SLC8A1: variants seen among roughly 807,000 people sequenced by gnomAD.
SLC8A1 encodes the protein sodium/calcium exchanger 1.
In SLC8A1, 18 loss-of-function variants were observed where a neutral mutation model predicts 68.3. That is an observed-to-expected ratio of 0.26 (90% CI 0.18 to 0.39). SLC8A1 has a LOEUF of 0.39. Among genes scored for constraint, SLC8A1 ranks in the 10% least tolerant of loss-of-function variants. SLC8A1 has a pLI of 1.00. For missense variants in SLC8A1, 985 were observed against 1,156.7 expected, an observed-to-expected ratio of 0.85 and a Z score of 2.15; for synonymous variants, 475 against 415.5, an observed-to-expected ratio of 1.14 and a Z score of -1.74.
intron 1 of SLC8A1, among the ~76,000 whole-genome samples, chr2:40,451,108 C>A (rs1702394273): frequency 6.6e-6 from 1 of 152,198 alleles, no homozygotes. Context: ...AGACCGCCCT[C>A]TTCTTCATTA....
intron 2 of SLC8A1, among the ~76,000 whole-genome samples, chr2:40,349,969 A>G (rs1310198763): frequency 2.6e-5 from 4 of 152,162 alleles, no homozygotes; most frequent in African/African-American, 7.2e-5. Context: ...AATGGAAAGT[A>G]TTCATTTCCA....
intron 2 of SLC8A1, among the ~76,000 whole-genome samples, chr2:40,273,923 G>A (rs1243854427): frequency 6.7e-6 from 1 of 149,768 alleles, no homozygotes; most frequent in Non-Finnish European, 1.5e-5. Context: ...CTCTTGACCA[G>A]GGAGAGGTGC....
chr2:40,104,381 C>G (rs1352046835), exon 8 of SLC8A1: 2 of 152,068 alleles, frequency 1.3e-5, no homozygotes, highest in Non-Finnish European at 2.9e-5. Flanking sequence ...AATAAAAGAC[C>G]CTATATCAAA....
At chr2:40,484,742 G>C (rs982932662) in intron 1 of SLC8A1, among the ~76,000 whole-genome samples, 4 of 152,184 alleles carry the variant, frequency 2.6e-5, no homozygotes, top group African/African-American at 9.7e-5. Flanking sequence ...GCAACTGCAG[G>C]CACATTCCAA....
exon 8 of SLC8A1, chr2:40,101,385 T>A (rs558511414): frequency 1.3e-5 from 2 of 152,274 alleles, no homozygotes; most frequent in South Asian, 4.1e-4. Flanking sequence ...TTAGTACTGT[T>A]ACACAGTGGT....
At chr2:40,336,758 TTTC>T (rs1282420764) in intron 2 of SLC8A1, among the ~76,000 whole-genome samples, 1 of 152,174 alleles carries the variant, frequency 6.6e-6, no homozygotes, top group Non-Finnish European at 1.5e-5. Context: ...TTATTCATGT[TTTC>T]TTTTTTCATG....
chr2:40,392,846 G>C (rs762179533), intron 2 of SLC8A1, among the ~76,000 whole-genome samples: 1 of 152,036 alleles, frequency 6.6e-6, no homozygotes, highest in Non-Finnish European at 1.5e-5. Flanking sequence ...ACGTTAAAGT[G>C]GGACAGATTA....
intron 1 of SLC8A1, among the ~76,000 whole-genome samples, chr2:40,462,917 T>C (rs1703429219): frequency 1.3e-5 from 2 of 152,258 alleles, no homozygotes; most frequent in South Asian, 4.1e-4. Context: ...TTATGATAGA[T>C]AAAAATTATT....
In SLC8A1 at chr2:40,170,264, C is replaced by A. The variant is rs1435172675; in HGVS notation, c.1930+4561G>T. ...CTGGGAGGCTGTGGTTTTCAAGGAT[C>A]ATGATGAAATGAGTACCTGCAATGG... On this transcript the variant is annotated intron_variant, in intron 4 of 7. Coordinates refer to ENST00000406785, the Ensembl canonical transcript of SLC8A1. 3.7e-6 allele frequency: 6 copies of A among 1,610,804 alleles called. No homozygotes were observed. In the East Asian group the frequency reaches 1.3e-4, roughly 36 times the overall value.
intron 2 of SLC8A1, among the ~76,000 whole-genome samples, chr2:40,271,738 G>A (rs1241728844): frequency 1.3e-5 from 2 of 152,280 alleles, no homozygotes; most frequent in South Asian, 2.1e-4. Context: ...TTAAGTGAAA[G>A]ACACCGTGAT....
chr2:40,452,271 C>A (rs1350209515), upstream of SLC8A1, among the ~76,000 whole-genome samples: 1 of 151,248 alleles, frequency 6.6e-6, no homozygotes, highest in Non-Finnish European at 1.5e-5. Context: ...CCCCGGGGCC[C>A]CCTGCGCGCC....
intron 1 of SLC8A1, among the ~76,000 whole-genome samples, chr2:40,459,752 T>C (rs1205053605): frequency 6.6e-6 from 1 of 152,300 alleles, no homozygotes; most frequent in East Asian, 1.9e-4. Context: ...GGGGAGGCCA[T>C]GGGAATCATG....
At chr2:40,274,747 C>A (rs1203304562) in intron 2 of SLC8A1, among the ~76,000 whole-genome samples, 1 of 152,114 alleles carries the variant, frequency 6.6e-6, no homozygotes, top group Non-Finnish European at 1.5e-5. Context: ...TTATATATCT[C>A]CCCTAGAGAA....
At chr2:40,385,295 C>A (rs776832685) in intron 2 of SLC8A1, among the ~76,000 whole-genome samples, 1 of 146,392 alleles carries the variant, frequency 6.8e-6, no homozygotes, top group Admixed American at 6.7e-5. Flanking sequence ...TTGAGACATA[C>A]TACTGTAACT....
At chr2:40,477,359 C>A (rs759594037) in intron 1 of SLC8A1, among the ~76,000 whole-genome samples, 31 of 152,154 alleles carry the variant, frequency 2.0e-4, no homozygotes, top group Non-Finnish European at 4.0e-4. Context: ...GTGAGTAAAT[C>A]AGTTCAATCC....
chr2:40,445,446 G>C (rs944379977), intron 1 of SLC8A1, among the ~76,000 whole-genome samples: 3 of 151,910 alleles, frequency 2.0e-5, no homozygotes, highest in Admixed American at 6.6e-5. Flanking sequence ...TCTACACAGG[G>C]AAAGAAAAAG....
chr2:40,102,346 A>G (rs1443369242), exon 8 of SLC8A1: 2 of 144,038 alleles, frequency 1.4e-5, no homozygotes, highest in East Asian at 4.1e-4. Flanking sequence ...AATGAACACA[A>G]GGGTTTGCTG....
At chr2:40,310,351 A>G (rs1011560318) in intron 2 of SLC8A1, among the ~76,000 whole-genome samples, 2 of 152,218 alleles carry the variant, frequency 1.3e-5, no homozygotes, top group African/African-American at 4.8e-5. Flanking sequence ...TGCCCAGAAC[A>G]CAAGCAAGAA....
chr2:40,471,596 C>A (rs559090044), intron 1 of SLC8A1, among the ~76,000 whole-genome samples: 1 of 152,202 alleles, frequency 6.6e-6, no homozygotes, highest in Non-Finnish European at 1.5e-5. Context: ...AATAATGTTT[C>A]TCCATCAGTC....
Sources: gnomAD v4.1 joint callset for allele counts (sites outside exome capture counted in the v4.1 genomes callset) on GRCh38, gnomAD v4.1.1 for gene constraint, MANE v1.5 for transcripts, NCBI Gene and HGNC (gene_info 2026-07-23, HGNC 2026-07-21) for gene names.